The following FZD10 variants were observed in gnomAD, a reference collection of about 807,000 sequenced individuals.
The protein encoded by FZD10 is frizzled-10.
A neutral mutation model predicts 24.4 loss-of-function variants in FZD10; 14 were observed. That is an observed-to-expected ratio of 0.57 (90% CI 0.38 to 0.90). FZD10 has a LOEUF of 0.90. Ranked by LOEUF, FZD10 falls within the 40% of genes least tolerant of loss-of-function variation. FZD10 has a pLI of 0.00. For missense variants in FZD10, 775 were observed against 816.6 expected (o/e 0.95, Z 0.62); for synonymous variants, 381 against 349.1 (o/e 1.09, Z -1.02).
rs1871730082 is a variant in FZD10, at chr12:130,163,645, G to A, written c.703G>A (p.Ala235Thr). 6.2e-7 allele frequency: 1 copy of A among 1,613,016 alleles called. No individual in the cohort carries two copies. Among genetic ancestry groups the A allele is most frequent in the East Asian group, 2.2e-5 (1 of 44,870 alleles). ...CGCAGTGGTCTGGCTGGCCATCTGGGCGGTGCTGTGCTTCTTCTCCAGCGC... is the reference window on the plus strand; with the variant it reads ...CGCAGTGGTCTGGCTGGCCATCTGGACGGTGCTGTGCTTCTTCTCCAGCGC... ...RFAVVWLAIWAVLCFFSSAFT... is the reference protein window; with the variant it reads ...RFAVVWLAIWTVLCFFSSAFT... Residue 235 changes from alanine to threonine, a missense_variant, in exon 1 of 1, where the codon GCG (alanine) becomes ACG (threonine). By Grantham distance (58) the Ala-to-Thr change is moderately conservative. Coordinates refer to ENST00000229030, the MANE Select transcript of FZD10 (RefSeq NM_007197.4).
chr12:130,164,300 T>C lies in FZD10; in HGVS notation c.1358T>C (p.Val453Ala). Residue 453 changes from valine to alanine, a missense_variant, in exon 1 of 1, where the codon GTG (valine) becomes GCG (alanine). Val to Ala is a moderately conservative substitution (Grantham distance 64). Coordinates refer to ENST00000229030, the MANE Select transcript of FZD10 (RefSeq NM_007197.4). This position sits in a 1 kb window ranked among gnomAD's most constrained non-coding sequence, Gnocchi z 5.3. ...GGGCTCTTCTCTGTGCTGTACACCG[T>C]GCCGGCCACCTGTGTGATCGCCTGC... ...RIGLFSVLYT[V>A]PATCVIACYF... 1 of 1,614,158 alleles carries C rather than the reference T, an allele frequency of 6.2e-7. No individual in the cohort carries two copies. Among genetic ancestry groups the C allele is most frequent in the Non-Finnish European group, 8.5e-7 (1 of 1,180,022 alleles).
Position 130,163,140 on chromosome 12 carries a change from C to T in FZD10, c.198C>T (p.Ile66=), listed in dbSNP as rs1464991898. The T allele has an allele frequency of 6.2e-7, 1 of 1,612,968 alleles. No homozygotes were observed. The highest frequency in any genetic ancestry group is 1.7e-5 in the Admixed American group (1 of 60,024). ...ACGAGAACCAGCGCGAGGCAGCCATCCAGTTGCACGAGTTCGCGCCGCTGG... is the reference window on the plus strand; with the variant it reads ...ACGAGAACCAGCGCGAGGCAGCCATTCAGTTGCACGAGTTCGCGCCGCTGG... The part of the protein sequence containing the change: ...MGHENQREAA[I]QLHEFAPLVE... The change falls in exon 1 of 1, where the codon ATC becomes ATT. Residue 66 remains isoleucine, a synonymous_variant. Coordinates refer to ENST00000229030, the MANE Select transcript of FZD10 (RefSeq NM_007197.4).
In FZD10 at chr12:130,163,247, C is replaced by G. The variant is rs777223482; in HGVS notation, c.305C>G (p.Pro102Arg). 1.9e-6 allele frequency: 3 copies of G among 1,613,064 alleles called. No homozygotes were observed. The highest frequency in any genetic ancestry group is 2.2e-5 in the East Asian group (1 of 44,838). The part of the protein sequence containing the change: ...APMCTEQVST[P>R]IPACRVMCEQ... ...ATGTGCACCGAGCAGGTCTCTACCC[C>G]CATCCCCGCCTGCCGGGTCATGTGC... The change falls in exon 1 of 1, where the codon CCC (proline) becomes CGC (arginine). Residue 102 changes from proline to arginine, a missense_variant. Pro to Arg is a moderately radical substitution (Grantham distance 103, BLOSUM62 -2). Coordinates refer to ENST00000229030, the MANE Select transcript of FZD10 (RefSeq NM_007197.4).
chr12:130,162,692 C>T lies in FZD10; in HGVS notation c.-251C>T, dbSNP rs1327954016. On this transcript the variant is annotated 5_prime_UTR_variant, in exon 1 of 1. Transcript: ENST00000229030. ...TCGCGCCGGGCCGCTGCGCCGGGAGCTCCGGGGGCTTCCCTCGCTTCCCGG... is the reference window on the plus strand; with the variant it reads ...TCGCGCCGGGCCGCTGCGCCGGGAGTTCCGGGGGCTTCCCTCGCTTCCCGG... The T allele has an allele frequency of 8.7e-6, 2 of 229,504 alleles. No individual in the cohort carries two copies. Among genetic ancestry groups the T allele is most frequent in the Admixed American group, 5.7e-5 (1 of 17,522 alleles). The allele number at this position is 229,504 out of a possible 1,614,324, so 14.2% of individuals were successfully genotyped here.
Position 130,162,928 on chromosome 12 carries a change from A to T in FZD10, c.-15A>T, listed in dbSNP as rs761687851. 3.8e-5 allele frequency: 56 copies of T among 1,482,228 alleles called. No homozygotes were observed. The African/African-American group carries it at 7.4e-4, about 20-fold the overall frequency. The allele number at this position is 1,482,228 out of a possible 1,614,324, so 91.8% of individuals were successfully genotyped here. ...GGGGCGCGGAGCTCCCCGCGAGGAC[A>T]CGTCCAACGCCAGCATGCAGCGCCC... is the stretch of plus-strand genomic sequence containing the variant. On this transcript the variant is annotated 5_prime_UTR_variant, in exon 1 of 1. Transcript: ENST00000229030.
Position 130,164,551 on chromosome 12 carries a change from C to T in FZD10, c.1609C>T (p.Arg537Cys), listed in dbSNP as rs147350994. The T allele has an allele frequency of 7.4e-5, 120 of 1,612,834 alleles. No homozygotes were observed. Among genetic ancestry groups the T allele is most frequent in the Middle Eastern group, 4.9e-4 (3 of 6,072 alleles). Residue 537 changes from arginine to cysteine, a missense_variant, in exon 1 of 1, where the codon CGT (arginine) becomes TGT (cysteine). Coordinates refer to ENST00000229030, the MANE Select transcript of FZD10 (RefSeq NM_007197.4). This position sits in a 1 kb window ranked among gnomAD's most constrained non-coding sequence, Gnocchi z 5.3. ...TLQSWQQVCS[R>C]RLKKKSRRKP... ...GCAGTCCTGGCAGCAGGTGTGCAGCCGTAGGTTAAAGAAGAAGAGCCGGAG... is the reference window on the plus strand; with the variant it reads ...GCAGTCCTGGCAGCAGGTGTGCAGCTGTAGGTTAAAGAAGAAGAGCCGGAG...
rs757667097 is a variant in FZD10, at chr12:130,163,195, T to C, written c.253T>C (p.Phe85Leu). Residue 85 changes from phenylalanine (F) to leucine (L), a missense_variant, in exon 1 of 1, where the codon TTC becomes CTC. Physicochemically the swap from Phe to Leu is conservative, Grantham distance 22. Coordinates refer to ENST00000229030, the MANE Select transcript of FZD10 (RefSeq NM_007197.4). ...VEYGCHGHLR[F>L]FLCSLYAPMC... ...GTACGGCTGCCACGGCCACCTCCGC[T>C]TCTTCCTGTGCTCGCTGTACGCGCC... 2 of 1,612,862 alleles carry C rather than the reference T, an allele frequency of 1.2e-6. No individual in the cohort carries two copies. The highest frequency in any genetic ancestry group is 2.2e-5 in the South Asian group (2 of 91,068).
In FZD10 at chr12:130,163,554, C is replaced by A; in HGVS notation, c.612C>A (p.Ser204Arg). ...GCAAGTTCCACCACGTGGAGAAGAG[C>A]GCGTCGTGCGCGCCGCTCTGCACGC... ...NPGKFHHVEK[S>R]ASCAPLCTPG... Residue 204 changes from serine to arginine, a missense_variant, in exon 1 of 1, where the codon AGC (serine) becomes AGA (arginine). Coordinates refer to ENST00000229030, the MANE Select transcript of FZD10 (RefSeq NM_007197.4). 1 of 1,599,370 alleles carries A rather than the reference C, an allele frequency of 6.3e-7. No individual in the cohort carries two copies. Among genetic ancestry groups the A allele is most frequent in the Non-Finnish European group, 8.5e-7 (1 of 1,172,192 alleles).
Position 130,164,144 on chromosome 12 carries a change from C to G in FZD10, c.1202C>G (p.Pro401Arg). 1 of 1,614,044 alleles carries G rather than the reference C, an allele frequency of 6.2e-7. No individual in the cohort carries two copies. The highest frequency in any genetic ancestry group is 8.5e-7 in the Non-Finnish European group (1 of 1,180,036). Residue 401 changes from proline to arginine, a missense_variant, in exon 1 of 1, where the codon CCC becomes CGC. Transcript: ENST00000229030. This position sits in a 1 kb window ranked among gnomAD's most constrained non-coding sequence, Gnocchi z 5.3. ...GCGCTCACCGGCTTCGTGCTCATTCCCCTGGCCTGCTACCTGGTCATCGGC... is the reference window on the plus strand; with the variant it reads ...GCGCTCACCGGCTTCGTGCTCATTCGCCTGGCCTGCTACCTGGTCATCGGC... ...VNALTGFVLI[P>R]LACYLVIGTS...
At position 130,164,573 on chromosome 12, in the gene FZD10, G is replaced by C; in HGVS notation, c.1631G>C (p.Arg544Pro). 1 of 1,612,904 alleles carries C rather than the reference G, an allele frequency of 6.2e-7. No individual in the cohort carries two copies. The highest frequency in any genetic ancestry group is 1.1e-5 in the South Asian group (1 of 91,062). Residue 544 changes from arginine to proline, a missense_variant, in exon 1 of 1, where the codon CGG becomes CCG. Arg to Pro is a moderately radical substitution (Grantham distance 103, BLOSUM62 -2). Transcript: ENST00000229030. This position sits in a 1 kb window ranked among gnomAD's most constrained non-coding sequence, Gnocchi z 5.3. ...VCSRRLKKKSRRKPASVITSG... is the reference protein window; with the variant it reads ...VCSRRLKKKSPRKPASVITSG... Reference sequence around the variant, plus strand: ...AGCCGTAGGTTAAAGAAGAAGAGCCGGAGAAAACCGGCCAGCGTGATCACC... The same window carrying C: ...AGCCGTAGGTTAAAGAAGAAGAGCCCGAGAAAACCGGCCAGCGTGATCACC...
rs1871793913 is a variant in FZD10, at chr12:130,165,356, T to C, written c.*668T>C. On this transcript the variant is annotated 3_prime_UTR_variant, in exon 1 of 1. Transcript: ENST00000229030. ...AAAGAGAAACAAGTATTTTGCTATA[T>C]ATAAAGACAACAAAAGAAATCTCCT... 6.0e-6 allele frequency: 1 copy of C among 166,996 alleles called. No homozygotes were observed. The highest frequency in any genetic ancestry group is 1.9e-4 in the East Asian group (1 of 5,202). The allele number at this position is 166,996 out of a possible 1,614,324, so 10.3% of individuals were successfully genotyped here.
Position 130,163,507 on chromosome 12 carries a change from CGCG to C in FZD10, c.571_573del (p.Gly191del). 1 of 1,583,554 alleles carries C rather than the reference CGCG, an allele frequency of 6.3e-7. No homozygotes were observed. Among genetic ancestry groups the C allele is most frequent in the Non-Finnish European group, 8.6e-7 (1 of 1,166,048 alleles). The stretch of plus-strand genomic sequence containing the variant: ...CCCGCTGAAGGACGGGGGCCCCGGG[CGCG>C]GCGGCTGCGACAACCCGGGCAAGTT... On this transcript the variant is annotated inframe_deletion, in exon 1 of 1. Coordinates refer to ENST00000229030, the MANE Select transcript of FZD10 (RefSeq NM_007197.4).
chr12:130,164,929 T>C lies in FZD10; in HGVS notation c.*241T>C. ...GAAGCTCCTCCAGTGAAGTAGCCTC[T>C]TGTGTAACTAATTTGTGGTAAAGTA... On this transcript the variant is annotated 3_prime_UTR_variant, in exon 1 of 1. Transcript: ENST00000229030. The surrounding 1 kb of genome is among the most constrained non-coding windows in gnomAD (Gnocchi z 5.3). 2.3e-6 allele frequency: 1 copy of C among 432,040 alleles called. No individual in the cohort carries two copies. 26.8% of individuals were successfully genotyped at this position (432,040 alleles called of 1,614,324 possible). A position where few individuals can be genotyped will look rare whatever the true frequency, so the allele number is the denominator to read the frequency against.
In FZD10 at chr12:130,163,975, G is replaced by A. The variant is rs759851250; in HGVS notation, c.1033G>A (p.Glu345Lys). Residue 345 changes from glutamate (E) to lysine (K), a missense_variant, in exon 1 of 1, where the codon GAG becomes AAG. By Grantham distance (56) the Glu-to-Lys change is moderately conservative (BLOSUM62 1). Coordinates refer to ENST00000229030, the MANE Select transcript of FZD10 (RefSeq NM_007197.4). ...GGCCGCCGGCAAGAAGTGGGGCCAC[G>A]AGGCCATCGAAGCCAACAGCAGCTA... Reference protein sequence around the residue: ...FLAAGKKWGHEAIEANSSYFH... With the variant: ...FLAAGKKWGHKAIEANSSYFH... 1.2e-6 allele frequency: 2 copies of A among 1,613,588 alleles called. No individual in the cohort carries two copies. Among genetic ancestry groups the A allele is most frequent in the Non-Finnish European group, 1.7e-6 (2 of 1,180,050 alleles).
In FZD10 at chr12:130,162,809, G is replaced by T. The variant is rs1006185066; in HGVS notation, c.-134G>T. ...CCGAGCCGGGGGCGCTGTGCGCAGC[G>T]CTCGGGCCAGGCCGGGCGGGCATGG... On this transcript the variant is annotated 5_prime_UTR_variant, in exon 1 of 1. Transcript: ENST00000229030. 49 of 486,694 alleles carry T rather than the reference G, an allele frequency of 1.0e-4. No individual in the cohort carries two copies. Among genetic ancestry groups the T allele is most frequent in the Non-Finnish European group, 1.5e-4 (47 of 312,926 alleles). 30.1% of individuals were successfully genotyped at this position (486,694 alleles called of 1,614,324 possible). A position where few individuals can be genotyped will look rare whatever the true frequency, so the allele number is the denominator to read the frequency against.
At position 130,163,421 on chromosome 12, in the gene FZD10, G is replaced by A; in HGVS notation, c.479G>A (p.Arg160Gln). Reference protein sequence around the residue: ...APNNGSDEPTRGSGLFPPLFR... With the variant: ...APNNGSDEPTQGSGLFPPLFR... ...AACAACGGCTCGGACGAGCCCACCC[G>A]GGGCTCGGGCCTGTTCCCGCCGCTG... Residue 160 changes from arginine to glutamine, a missense_variant, in exon 1 of 1, where the codon CGG (arginine) becomes CAG (glutamine). Transcript: ENST00000229030. 1 of 1,612,232 alleles carries A rather than the reference G, an allele frequency of 6.2e-7. No homozygotes were observed. The highest frequency in any genetic ancestry group is 8.5e-7 in the Non-Finnish European group (1 of 1,179,792).
At position 130,164,465 on chromosome 12, in the gene FZD10, T is replaced by C. The variant is rs1288432988; in HGVS notation, c.1523T>C (p.Ile508Thr). The change falls in exon 1 of 1, where the codon ATC becomes ACC. Residue 508 changes from isoleucine (I) to threonine (T), a missense_variant. Physicochemically the swap from Ile to Thr is moderately conservative, Grantham distance 89 (BLOSUM62 -1). Coordinates refer to ENST00000229030, the MANE Select transcript of FZD10 (RefSeq NM_007197.4). The surrounding 1 kb of genome is among the most constrained non-coding windows in gnomAD (Gnocchi z 5.3). ...IPAVEIFMVKIFMLLVVGITS... is the reference protein window; with the variant it reads ...IPAVEIFMVKTFMLLVVGITS... ...GCCGTGGAGATCTTCATGGTGAAGA[T>C]CTTTATGCTGCTGGTGGTGGGGATC... The C allele has an allele frequency of 6.2e-7, 1 of 1,613,478 alleles. No homozygotes were observed. Among genetic ancestry groups the C allele is most frequent in the Non-Finnish European group, 8.5e-7 (1 of 1,179,976 alleles).
chr12:130,165,429 A>C lies in FZD10; in HGVS notation c.*741A>C, dbSNP rs1349544114. 1 of 167,132 alleles carries C rather than the reference A, an allele frequency of 6.0e-6. No homozygotes were observed. The highest frequency in any genetic ancestry group is 2.1e-4 in the South Asian group (1 of 4,828). 10.4% of individuals were successfully genotyped at this position (167,132 alleles called of 1,614,324 possible). A position where few individuals can be genotyped will look rare whatever the true frequency, so the allele number is the denominator to read the frequency against. ...GCCCTCAGAAACCCTTCAGTGCTAC[A>C]TTTTGTGGCTTTTTAATGGAAACCA... On this transcript the variant is annotated 3_prime_UTR_variant, in exon 1 of 1. Coordinates refer to ENST00000229030, the MANE Select transcript of FZD10 (RefSeq NM_007197.4).
chr12:130,162,899 C>G lies in FZD10; in HGVS notation c.-44C>G. ...CAGCCCGTGCCCGGGAGCGGCGGCG[C>G]TGAGGGGCGCGGAGCTCCCCGCGAG... On this transcript the variant is annotated 5_prime_UTR_variant, in exon 1 of 1. Coordinates refer to ENST00000229030, the MANE Select transcript of FZD10 (RefSeq NM_007197.4). The G allele has an allele frequency of 7.0e-7, 1 of 1,418,830 alleles. No individual in the cohort carries two copies. Among genetic ancestry groups the G allele is most frequent in the Non-Finnish European group, 9.3e-7 (1 of 1,076,744 alleles). 87.9% of individuals were successfully genotyped at this position (1,418,830 alleles called of 1,614,324 possible).
Sources: gnomAD v4.1 joint callset for allele counts on GRCh38, gnomAD v4.1.1 for gene constraint, Gnocchi (gnomAD v3.1) non-coding constraint, MANE v1.5 for transcripts, NCBI Gene and HGNC (gene_info 2026-07-23, HGNC 2026-07-21) for gene names.